The following AMOTL1 variants were observed in gnomAD, a reference collection of about 807,000 sequenced individuals.
The protein encoded by AMOTL1 is angiomotin-like protein 1.
Under a neutral mutation model 102.9 loss-of-function variants are expected in AMOTL1, and 45 were observed. The ratio of observed to expected loss-of-function variants is 0.44; its 90% CI spans 0.34 to 0.56. The LOEUF is 0.56. Among genes scored for constraint, AMOTL1 ranks in the 20% least tolerant of loss-of-function variants. The pLI, the probability that AMOTL1 is intolerant of heterozygous loss-of-function variation, is 0.01. For synonymous variants in AMOTL1, 481 were observed against 484.7 expected (o/e 0.99, Z 0.10); for missense variants, 1,114 against 1,225.6 (o/e 0.91, Z 1.36).
intron 3 of AMOTL1, among the ~76,000 whole-genome samples, chr11:94,759,585 A>T (rs561454448): frequency 3.8e-4 from 58 of 151,776 alleles, no homozygotes; most frequent in Non-Finnish European, 7.1e-4. Flanking sequence ...AAAAAAAAAA[A>T]AAAGGGCAAG....
At position 94,794,996 on chromosome 11, in the gene AMOTL1, C is replaced by T. The variant is rs1223962565; in HGVS notation, c.50-15C>T. The T allele has an allele frequency of 2.5e-6, 4 of 1,598,818 alleles. No homozygotes were observed. The highest frequency in any genetic ancestry group is 3.4e-6 in the Non-Finnish European group (4 of 1,174,972). On this transcript the variant is annotated splice_polypyrimidine_tract_variant and intron_variant, in intron 1 of 12. Coordinates refer to ENST00000433060, the MANE Select transcript of AMOTL1 (RefSeq NM_130847.3). ...TTGATGGGCACTCATATTCACTTCG[C>T]TTTCTTTCCCCCAGGGTCCCCTTCT... is the stretch of plus-strand genomic sequence containing the variant.
intron 1 of AMOTL1, among the ~76,000 whole-genome samples, chr11:94,776,944 G>A (rs918536200): frequency 3.3e-4 from 50 of 152,232 alleles, no homozygotes; most frequent in African/African-American, 1.2e-3. Flanking sequence ...GAACATAGAA[G>A]AAGGGCAGAC....
At chr11:94,830,289 A>AGACCAGTAC in intron 5 of AMOTL1, 95 bp downstream of exon 5, 1 of 1,211,136 alleles carries the variant, frequency 8.3e-7, no homozygotes, top group Non-Finnish European at 1.1e-6. Flanking sequence ...TGCCACAGGT[A>AGACCAGTAC]CTGGTCTACC....
At chr11:94,807,644 C>T (rs1447793061) in intron 3 of AMOTL1, among the ~76,000 whole-genome samples, 4 of 152,076 alleles carry the variant, frequency 2.6e-5, no homozygotes, top group Non-Finnish European at 4.4e-5. Context: ...TTTTTCTCTG[C>T]ATTATTTTTT....
chr11:94,831,525 G>A lies in AMOTL1; in HGVS notation c.1632G>A (p.Gly544=). ...GGCATGAAGACAAAGCTGCAGAGGG[G>A]CATTATGCTTCCCAGAGTGAGTCTC... The part of the protein sequence containing the change: ...YEGHEDKAAE[G]HYASQNKEFL... The change falls in exon 6 of 13, where the codon GGG becomes GGA. Residue 544 remains glycine, a synonymous_variant. Transcript: ENST00000433060. 1 of 1,613,776 alleles carries A rather than the reference G, an allele frequency of 6.2e-7. No homozygotes were observed. Among genetic ancestry groups the A allele is most frequent in the Non-Finnish European group, 8.5e-7 (1 of 1,179,728 alleles).
Position 94,853,955 on chromosome 11 carries a change from T to G in AMOTL1, c.1817T>G (p.Val606Gly). ...EEELREKQAY[V>G]EKVEKLQQAL... ...CAGTTACGAGAGAAGCAAGCATATG[T>G]TGAGAAAGTTGAGAAGCTGCAGCAG... Residue 606 changes from valine to glycine, a missense_variant, in exon 8 of 13, where the codon GTT becomes GGT. Val to Gly is a moderately radical substitution (Grantham distance 109). Coordinates refer to ENST00000433060, the MANE Select transcript of AMOTL1 (RefSeq NM_130847.3). The G allele has an allele frequency of 6.2e-7, 1 of 1,608,520 alleles. No homozygotes were observed. The highest frequency in any genetic ancestry group is 8.5e-7 in the Non-Finnish European group (1 of 1,177,234).
intron 1 of AMOTL1, among the ~76,000 whole-genome samples, chr11:94,786,584 TTTTTTTC>T (rs1951193376): frequency 6.2e-5 from 9 of 144,486 alleles, no homozygotes; most frequent in Non-Finnish European, 1.1e-4. Flanking sequence ...TTCTTTTTTC[TTTTTTTC>T]TTTTTTATTA....
At chr11:94,710,263 G>T (rs1314790497) in intron 1 of AMOTL1, among the ~76,000 whole-genome samples, 2 of 152,202 alleles carry the variant, frequency 1.3e-5, no homozygotes, top group Non-Finnish European at 2.9e-5. Flanking sequence ...CTGAAGCCAT[G>T]AGAAAAGAGT....
At chr11:94,752,225 A>C (rs756099979) in intron 3 of AMOTL1, among the ~76,000 whole-genome samples, 1 of 150,662 alleles carries the variant, frequency 6.6e-6, no homozygotes, top group Non-Finnish European at 1.5e-5. Context: ...TCCCTCCTCC[A>C]TTTCTGTCTC....
intron 3 of AMOTL1, among the ~76,000 whole-genome samples, chr11:94,817,150 A>C (rs1186455489): frequency 1.3e-5 from 2 of 152,158 alleles, no homozygotes; most frequent in African/African-American, 2.4e-5. Flanking sequence ...AATTGGCCTC[A>C]TGCTGTCTTT....
In AMOTL1 at chr11:94,869,230, G is replaced by A. The variant is rs1382084487; in HGVS notation, c.2521G>A (p.Ala841Thr). 1 of 1,606,288 alleles carries A rather than the reference G, an allele frequency of 6.2e-7. No individual in the cohort carries two copies. The highest frequency in any genetic ancestry group is 1.7e-5 in the Admixed American group (1 of 59,802). ...GCTGGGGAAGGAGCACCATGAGCAT[G>A]CCTCTGCCCCACTGCTGCCACCCCC... is the stretch of plus-strand genomic sequence containing the variant. ...LLLGKEHHEHASAPLLPPPPT... is the reference protein window; with the variant it reads ...LLLGKEHHEHTSAPLLPPPPT... The change falls in exon 12 of 13, where the codon GCC (alanine) becomes ACC (threonine). Residue 841 changes from alanine (A) to threonine (T), a missense_variant. Coordinates refer to ENST00000433060, the MANE Select transcript of AMOTL1 (RefSeq NM_130847.3).
At position 94,749,947 on chromosome 11, in the gene AMOTL1, A is replaced by C. The variant is rs1450926600; in HGVS notation, c.136+8959A>C. Among the ~76,000 whole-genome samples, 4 of 152,200 alleles carry C rather than the reference A, an allele frequency of 2.6e-5. No individual in the cohort carries two copies. In the East Asian group the frequency reaches 7.7e-4, roughly 29 times the overall value. On this transcript the variant is annotated intron_variant, in intron 3 of 4. Coordinates refer to the AMOTL1 transcript ENST00000299004. ...CAAGACTTTTGAACAAATCTGTTCTAAGACAAATGTAAAGTTTCCTCCCTC... is the reference window on the plus strand; with the variant it reads ...CAAGACTTTTGAACAAATCTGTTCTCAGACAAATGTAAAGTTTCCTCCCTC...
intron 1 of AMOTL1, among the ~76,000 whole-genome samples, chr11:94,718,138 C>G (rs953783415): frequency 2.0e-5 from 3 of 151,864 alleles, no homozygotes; most frequent in African/African-American, 7.2e-5. Context: ...AGGCCTGTCT[C>G]TATGTGATTA....
upstream of AMOTL1, chr11:94,768,224 G>T (rs551811444): frequency 2.5e-5 from 28 of 1,136,644 alleles, 1 homozygote; most frequent in South Asian, 6.3e-4. Context: ...GGGGCGGCGG[G>T]TGTCTGCAGA....
intron 1 of AMOTL1, chr11:94,728,857 C>A (rs1289502854): frequency 2.7e-6 from 2 of 731,830 alleles, no homozygotes; most frequent in Non-Finnish European, 3.9e-6. Context: ...AAGAAAGCTT[C>A]TCTTCACAAA....
chr11:94,837,303 G>A (rs535919296), intron 6 of AMOTL1, among the ~76,000 whole-genome samples: 4 of 152,252 alleles, frequency 2.6e-5, no homozygotes, highest in Admixed American at 2.6e-4. Flanking sequence ...TCCCAATTTA[G>A]CCGCCAGAGC....
At chr11:94,851,773 G>T (rs1369935186) in intron 7 of AMOTL1, among the ~76,000 whole-genome samples, 1 of 152,226 alleles carries the variant, frequency 6.6e-6, no homozygotes, top group African/African-American at 2.4e-5. Context: ...GCTTGGCATG[G>T]TAGTGTTCCA....
chr11:94,741,271 T>C (rs1042885763), intron 3 of AMOTL1, among the ~76,000 whole-genome samples: 1 of 152,112 alleles, frequency 6.6e-6, no homozygotes, highest in Non-Finnish European at 1.5e-5. Flanking sequence ...CGTGTTCGTC[T>C]GGGGCAGTGG....
At chr11:94,810,320 CAGA>C (rs1951651044) in intron 3 of AMOTL1, among the ~76,000 whole-genome samples, 1 of 152,020 alleles carries the variant, frequency 6.6e-6, no homozygotes, top group Non-Finnish European at 1.5e-5. Flanking sequence ...GAACTCTGGG[CAGA>C]GCCCACACTG....
Sources: gnomAD v4.1 joint callset for allele counts (sites outside exome capture counted in the v4.1 genomes callset) on GRCh38, gnomAD v4.1.1 for gene constraint, MANE v1.5 for transcripts, NCBI Gene and HGNC (gene_info 2026-07-23, HGNC 2026-07-21) for gene names.